PROSER3: variants seen among roughly 807,000 people sequenced by gnomAD.
PROSER3 encodes proline and serine rich 3.
Under a neutral mutation model 50.2 loss-of-function variants are expected in PROSER3, and 33 were observed. The ratio of observed to expected loss-of-function variants is 0.66; its 90% CI spans 0.50 to 0.88. The LOEUF (loss-of-function observed/expected upper bound fraction) is 0.88. Among genes scored for constraint, PROSER3 ranks in the 40% least tolerant of loss-of-function variants. The pLI, the probability that PROSER3 is intolerant of heterozygous loss-of-function variation, is 0.00. For synonymous variants in PROSER3, 266 were observed against 259.3 expected (o/e 1.03, Z -0.25); for missense variants, 623 against 612.7 (o/e 1.02, Z -0.18).
chr19:35,767,644 C>T (rs1971199190), intron 8 of PROSER3: 3 of 924,554 alleles, frequency 3.2e-6, no homozygotes, highest in Non-Finnish European at 3.2e-6. Context: ...GTGTCCTGGG[C>T]CAGGTAGTGG....
exon 2 of PROSER3, chr19:35,759,458 C>T (rs749467175): frequency 1.2e-6 from 2 of 1,612,560 alleles, no homozygotes; most frequent in African/African-American, 2.7e-5. Context: ...AGAGCCAGAC[C>T]TGGTGTCCCA....
At chr19:35,769,315 T>C (rs1971276015), downstream of PROSER3, 1 of 151,424 alleles carries the variant, frequency 6.6e-6, no homozygotes, top group African/African-American at 2.4e-5. Flanking sequence ...TCTTTTTTTT[T>C]TTTTTTTTGG....
At chr19:35,759,832 C>T (rs1227921590) in exon 3 of PROSER3, 1 of 1,573,658 alleles carries the variant, frequency 6.4e-7, no homozygotes, top group Non-Finnish European at 8.6e-7. Context: ...CTCCCACAAG[C>T]TCCCAAGGCT....
At chr19:35,764,522 G>A (rs1423689132) in intron 5 of PROSER3, among the ~76,000 whole-genome samples, 1 of 152,150 alleles carries the variant, frequency 6.6e-6, no homozygotes, top group Non-Finnish European at 1.5e-5. Flanking sequence ...CGAGCGTGGT[G>A]GCGCATGCCT....
chr19:35,763,776 G>A (rs1971044219), intron 5 of PROSER3, among the ~76,000 whole-genome samples: 2 of 150,286 alleles, frequency 1.3e-5, no homozygotes, highest in Non-Finnish European at 3.0e-5. Context: ...AAAGTGCTAG[G>A]ATTACAGGCA....
downstream of PROSER3, chr19:35,769,549 A>C (rs11546663): frequency 2.6e-5 from 4 of 151,650 alleles, no homozygotes; most frequent in African/African-American, 9.7e-5. Context: ...CTCGTGATCC[A>C]CCCGCCTCGG....
intron 1 of PROSER3, chr19:35,759,155 T>A: frequency 1.9e-6 from 1 of 531,804 alleles, no homozygotes; most frequent in Non-Finnish European, 3.4e-6. Flanking sequence ...GGCTGTCAGT[T>A]CCTGAGTTGC....
exon 10 of PROSER3, chr19:35,768,163 G>A (rs754601315): frequency 6.2e-6 from 10 of 1,613,120 alleles, no homozygotes; most frequent in Non-Finnish European, 8.5e-6. Flanking sequence ...AGACTCCGAC[G>A]GCAGCGAGTT....
chr19:35,759,537 G>T, intron 2 of PROSER3, 67 bp downstream of exon 2: 1 of 1,400,540 alleles, frequency 7.1e-7, no homozygotes, highest in East Asian at 2.4e-5. Context: ...TTAGAGGGTA[G>T]GAAGACATGT....
chr19:35,763,556 T>C (rs909616845), intron 5 of PROSER3, among the ~76,000 whole-genome samples: 1 of 136,138 alleles, frequency 7.3e-6, no homozygotes, highest in South Asian at 2.3e-4. Context: ...CAGGCTGGAG[T>C]GCAGTGGCGC....
chr19:35,768,811 C>G, exon 11 of PROSER3: 1 of 314,880 alleles, frequency 3.2e-6, no homozygotes, highest in Non-Finnish European at 5.8e-6. Context: ...CCCACCTTAT[C>G]TGGCTTCACT....
intron 5 of PROSER3, among the ~76,000 whole-genome samples, chr19:35,764,265 G>A (rs954289975): frequency 1.4e-4 from 21 of 152,118 alleles, no homozygotes; most frequent in Non-Finnish European, 3.1e-4. Context: ...ACTCATCCTT[G>A]AGCCAACCAC....
intron 2 of PROSER3, 150 bp downstream of exon 2, chr19:35,759,620 T>G: frequency 1.0e-6 from 1 of 966,846 alleles, no homozygotes; most frequent in Non-Finnish European, 1.5e-6. Flanking sequence ...CTTGTCCCCC[T>G]CTCTACCACC....
At chr19:35,766,901 A>T in exon 8 of PROSER3, 1 of 1,553,450 alleles carries the variant, frequency 6.4e-7, no homozygotes, top group Non-Finnish European at 8.7e-7. Context: ...AGGCTCAGGG[A>T]AGCAAGGGTG....
At chr19:35,761,255 G>T (rs1426390327) in intron 3 of PROSER3, among the ~76,000 whole-genome samples, 1 of 152,154 alleles carries the variant, frequency 6.6e-6, no homozygotes, top group Non-Finnish European at 1.5e-5. Context: ...TACATTCCTG[G>T]CTGGGCACAG....
At chr19:35,769,309 T>C (rs12460977), downstream of PROSER3, 24,475 of 146,522 alleles carry the variant, frequency 0.17, 2,233 homozygotes, top group South Asian at 0.35. Context: ...CCAGCTTCTT[T>C]TTTTTTTTTT....
intron 5 of PROSER3, 79 bp from the exon 6 acceptor site, chr19:35,764,775 C>A: frequency 7.6e-7 from 1 of 1,312,728 alleles, no homozygotes; most frequent in Non-Finnish European, 1.1e-6. Context: ...GTACAACCTG[C>A]ATTCCAGGCC....
intron 3 of PROSER3, among the ~76,000 whole-genome samples, chr19:35,760,211 TTTTATTTATTTA>T (rs561726783): frequency 6.6e-6 from 1 of 152,136 alleles, no homozygotes; most frequent in Non-Finnish European, 1.5e-5. Context: ...CTTTATCTCT[TTTTATTTATTTA>T]TTTATTTGTT....
chr19:35,763,802 G>A (rs1429281985), intron 5 of PROSER3, among the ~76,000 whole-genome samples: 3 of 143,012 alleles, frequency 2.1e-5, no homozygotes, highest in African/African-American at 5.6e-5. Flanking sequence ...CACCGCGCCC[G>A]GCCTTCTTTT....
Sources: allele counts gnomAD v4.1 joint callset (sites outside exome capture counted in the v4.1 genomes callset), GRCh38; gene constraint gnomAD v4.1.1; transcripts MANE v1.5; gene names NCBI Gene and HGNC (gene_info 2026-07-23, HGNC 2026-07-21).